The following AADACL2 variants were observed in gnomAD, a reference collection of about 807,000 sequenced individuals.
AADACL2 encodes arylacetamide deacetylase-like 2.
In AADACL2, 23 loss-of-function variants were observed where a neutral mutation model predicts 22.3. The ratio of observed to expected loss-of-function variants is 1.03; its 90% confidence interval spans 0.74 to 1.46. AADACL2 has a LOEUF of 1.46. Among genes scored for constraint, AADACL2 ranks in the 40% most tolerant of loss-of-function variants. The pLI, the probability that AADACL2 is intolerant of heterozygous loss-of-function variation, is 0.00. For missense variants in AADACL2, 472 were observed against 482.9 expected (o/e 0.98, Z 0.21); for synonymous variants, 177 against 166.2 (o/e 1.07, Z -0.50).
chr3:151,740,785 T>G lies in AADACL2; in HGVS notation c.278T>G (p.Leu93Trp). The G allele has an allele frequency of 1.2e-6, 2 of 1,614,078 alleles. No individual in the cohort carries two copies. Among genetic ancestry groups the G allele is most frequent in the African/African-American group, 1.3e-5 (1 of 75,064 alleles). Reference sequence around the variant, plus strand: ...ACATTTGTTGACATTCCAGTACGATTGTACTTGCCAAAAAGAAAGTCAGAA... The same window carrying G: ...ACATTTGTTGACATTCCAGTACGATGGTACTTGCCAAAAAGAAAGTCAGAA... The part of the protein sequence containing the change: ...DTTFVDIPVR[L>W]YLPKRKSETR... The change falls in exon 2 of 5, where the codon TTG becomes TGG. Residue 93 changes from leucine (L) to tryptophan (W), a missense_variant. Physicochemically the swap from Leu to Trp is moderately conservative, Grantham distance 61. Transcript: ENST00000356517.
intron 1 of AADACL2, among the ~76,000 whole-genome samples, chr3:151,738,814 G>A (rs1433345452): frequency 2.0e-5 from 3 of 152,094 alleles, no homozygotes; most frequent in African/African-American, 4.8e-5. Flanking sequence ...TATGCCTCAC[G>A]AAGTTCTTGT....
intron 1 of AADACL2, among the ~76,000 whole-genome samples, chr3:151,738,494 T>C (rs1297425744): frequency 1.3e-5 from 2 of 152,090 alleles, no homozygotes; most frequent in South Asian, 2.1e-4. Context: ...TCTCAAGGAG[T>C]ATCTTAGTGG....
chr3:151,735,495 C>T (rs760540840), intron 1 of AADACL2, among the ~76,000 whole-genome samples: 11 of 152,158 alleles, frequency 7.2e-5, no homozygotes, highest in Non-Finnish European at 8.8e-5. Context: ...TGGTGGCTCA[C>T]GATTGTAATT....
In AADACL2 at chr3:151,751,994, T is replaced by C. The variant is rs562006736; in HGVS notation, c.604-4998T>C. On this transcript the variant is annotated intron_variant, in intron 4 of 4. Transcript: ENST00000356517. Reference sequence around the variant, plus strand: ...GAACAGGCTGCAGAAGAACTCAGTGTACTTAATGAGCATTTAAAAAGGTGA... The same window carrying C: ...GAACAGGCTGCAGAAGAACTCAGTGCACTTAATGAGCATTTAAAAAGGTGA... 1.4e-4 allele frequency among the ~76,000 whole-genome samples: 22 copies of C among 152,340 alleles called. No homozygotes were observed. In the South Asian group the frequency reaches 4.1e-3, roughly 29 times the overall value.
intron 4 of AADACL2, chr3:151,755,251 G>A (rs1312116888): frequency 6.6e-6 from 1 of 152,034 alleles, no homozygotes; most frequent in Non-Finnish European, 1.5e-5. Context: ...CTTAGGCCCA[G>A]TAAGGGGTAC....
At chr3:151,735,532 T>G (rs1713059378) in intron 1 of AADACL2, among the ~76,000 whole-genome samples, 1 of 152,156 alleles carries the variant, frequency 6.6e-6, no homozygotes, top group Non-Finnish European at 1.5e-5. Flanking sequence ...CCAAGGCAGG[T>G]AGATCACCTG....
At position 151,758,674 on chromosome 3, in the gene AADACL2, G is replaced by A. The variant is rs1206230765; in HGVS notation, c.*1080G>A. On this transcript the variant is annotated 3_prime_UTR_variant, in exon 5 of 5. Coordinates refer to ENST00000356517, the MANE Select transcript of AADACL2 (RefSeq NM_207365.4). ...ATTACCTAAAGAATAAATCACTTCT[G>A]TAGCCCTTTTGTTGAGTGGAATCAT... The A allele has an allele frequency of 1.3e-5, 2 of 152,046 alleles. No homozygotes were observed. The highest frequency in any genetic ancestry group is 2.9e-5 in the Non-Finnish European group (2 of 67,974). 9.4% of individuals were successfully genotyped at this position (152,046 alleles called of 1,614,324 possible). A position where few individuals can be genotyped will look rare whatever the true frequency, so the allele number is the denominator to read the frequency against.
chr3:151,745,378 T>C (rs1576613447), intron 3 of AADACL2, 131 bp from the exon 4 acceptor site: 5 of 846,914 alleles, frequency 5.9e-6, no homozygotes, highest in Non-Finnish European at 7.4e-6. Flanking sequence ...TAATCAAGAG[T>C]TAGTAGAAAA....
intron 1 of AADACL2, 36 bp from the exon 2 acceptor site, chr3:151,740,610 T>C (rs780301794): frequency 3.6e-6 from 5 of 1,379,532 alleles, no homozygotes; most frequent in Non-Finnish European, 5.0e-6. Flanking sequence ...TATTTAAATA[T>C]CTAAATATTT....
intron 4 of AADACL2, among the ~76,000 whole-genome samples, chr3:151,752,478 C>T (rs1405855574): frequency 1.3e-5 from 2 of 152,100 alleles, no homozygotes; most frequent in Admixed American, 1.3e-4. Flanking sequence ...CATGATGTGT[C>T]CTAAAATCAC....
In AADACL2 at chr3:151,757,198, G is replaced by A; in HGVS notation, c.810G>A (p.Met270Ile). 6.2e-7 allele frequency: 1 copy of A among 1,613,612 alleles called. No individual in the cohort carries two copies. The highest frequency in any genetic ancestry group is 8.5e-7 in the Non-Finnish European group (1 of 1,179,672). Reference sequence around the variant, plus strand: ...GGGCAATGAGAAGAAACCAACACATGCCTCTGGAGTCAAGACATCTGTTTA... The same window carrying A: ...GGGCAATGAGAAGAAACCAACACATACCTCTGGAGTCAAGACATCTGTTTA... The part of the protein sequence containing the change: ...LPWAMRRNQH[M>I]PLESRHLFKF... The change falls in exon 5 of 5, where the codon ATG becomes ATA. Residue 270 changes from methionine to isoleucine, a missense_variant. Around this residue, in one of 3 missense-constraint regions of AADACL2, gnomAD observed 356 missense variants for 365.5 expected, o/e 0.97. Transcript: ENST00000356517.
At chr3:151,756,424 C>T (rs778004485) in intron 4 of AADACL2, among the ~76,000 whole-genome samples, 42 of 151,930 alleles carry the variant, frequency 2.8e-4, no homozygotes, top group Non-Finnish European at 4.0e-4. Context: ...CCTTGGTCCA[C>T]GTGCTTTTGC....
At chr3:151,755,835 GAGGGTGGGCT>G (rs1186779513) in intron 4 of AADACL2, among the ~76,000 whole-genome samples, 14 of 152,108 alleles carry the variant, frequency 9.2e-5, no homozygotes, top group Admixed American at 2.6e-4. Flanking sequence ...TAGGATGACT[GAGGGTGGGCT>G]ATTGATAGCA....
intron 1 of AADACL2, among the ~76,000 whole-genome samples, chr3:151,734,634 G>T (rs1477618173): frequency 6.6e-6 from 1 of 152,000 alleles, no homozygotes; most frequent in Non-Finnish European, 1.5e-5. Context: ...CTAAATTGCT[G>T]GTTTTCAGGC....
At chr3:151,739,812 AGG>A (rs536295689) in intron 1 of AADACL2, among the ~76,000 whole-genome samples, 1 of 152,170 alleles carries the variant, frequency 6.6e-6, no homozygotes, top group Non-Finnish European at 1.5e-5. Context: ...TAGCACTGTC[AGG>A]GGAAAACCAC....
chr3:151,751,232 T>C (rs150029170), intron 4 of AADACL2, among the ~76,000 whole-genome samples: 98 of 152,282 alleles, frequency 6.4e-4, no homozygotes, highest in African/African-American at 2.2e-3. Context: ...CTAATTACTA[T>C]GTAAAATTGC....
At chr3:151,743,828 C>A (rs986227) in intron 2 of AADACL2, among the ~76,000 whole-genome samples, 53,855 of 151,858 alleles carry the variant, frequency 0.35, 9,784 homozygotes, top group Middle Eastern at 0.51. Context: ...GACGATATTA[C>A]AATAGGCTGA....
chr3:151,746,319 A>G (rs1328309510), intron 4 of AADACL2, among the ~76,000 whole-genome samples: 1 of 149,126 alleles, frequency 6.7e-6, no homozygotes, highest in African/African-American at 2.5e-5. Flanking sequence ...TTCCCATCAT[A>G]TCCTCAATAA....
At chr3:151,734,866 C>T (rs1479138872) in intron 1 of AADACL2, among the ~76,000 whole-genome samples, 1 of 152,136 alleles carries the variant, frequency 6.6e-6, no homozygotes, top group Admixed American at 6.6e-5. Flanking sequence ...TAAAAAGTAA[C>T]AACTCCATAA....
Sources: gnomAD v4.1 joint callset for allele counts (sites outside exome capture counted in the v4.1 genomes callset) on GRCh38, gnomAD v4.1.1 for gene constraint, gnomAD v4.1.1 regional missense constraint, MANE v1.5 for transcripts, NCBI Gene and HGNC (gene_info 2026-07-23, HGNC 2026-07-21) for gene names.